KLF12: variants seen among roughly 807,000 people sequenced by gnomAD.
The protein encoded by KLF12 is Krueppel-like factor 12.
A neutral mutation model predicts 37.8 loss-of-function variants in KLF12; 9 were observed. The ratio of observed to expected loss-of-function variants is 0.24; its 90% CI spans 0.14 to 0.42. The LOEUF (loss-of-function observed/expected upper bound fraction) is 0.42, where lower values mean the gene tolerates loss of function less well. Among genes scored for constraint, KLF12 ranks in the 10% least tolerant of loss-of-function variants. The pLI, the probability that KLF12 is intolerant of heterozygous loss-of-function variation, is 1.00. For missense variants in KLF12, 411 were observed against 516.0 expected (o/e 0.80, Z 1.97); for synonymous variants, 208 against 202.1 (o/e 1.03, Z -0.25).
At chr13:73,895,979 C>T (rs983222139) in intron 3 of KLF12, among the ~76,000 whole-genome samples, 3 of 152,046 alleles carry the variant, frequency 2.0e-5, no homozygotes, top group Non-Finnish European at 2.9e-5. Context: ...TGCCACCACG[C>T]CTGACTAATT....
intron 1 of KLF12, among the ~76,000 whole-genome samples, chr13:74,118,804 T>C (rs181771049): frequency 5.3e-5 from 8 of 152,136 alleles, no homozygotes; most frequent in South Asian, 4.2e-4. Context: ...CACATGCTCA[T>C]GTGCACACAC....
At chr13:74,191,125 G>A in the KLF12 span, among the ~76,000 whole-genome samples, 2 of 152,180 alleles carry the variant, frequency 1.3e-5, no homozygotes, top group African/African-American at 2.4e-5. Flanking sequence ...ATAAATGTCT[G>A]CTTCATTATA....
At chr13:73,826,851 G>A (rs951241655) in intron 4 of KLF12, among the ~76,000 whole-genome samples, 9 of 151,862 alleles carry the variant, frequency 5.9e-5, no homozygotes, top group Admixed American at 5.3e-4. Flanking sequence ...GCATGATCTC[G>A]GCTCACTGTA....
intron 5 of KLF12, among the ~76,000 whole-genome samples, chr13:73,792,282 G>A (rs894880084): frequency 3.3e-5 from 5 of 152,206 alleles, no homozygotes; most frequent in Non-Finnish European, 5.9e-5. Context: ...GTATAAAAAG[G>A]TCAATATTGA....
chr13:73,845,821 T>C lies in KLF12; in HGVS notation c.670+6A>G. The C allele has an allele frequency of 6.2e-7, 1 of 1,611,056 alleles. No individual in the cohort carries two copies. On this transcript the variant is annotated splice_donor_region_variant and intron_variant, in intron 4 of 7. Coordinates refer to ENST00000377669, the MANE Select transcript of KLF12 (RefSeq NM_007249.5). ...AAATAAATCAAGGCTTGTTTATGTCTCTTACCTTTGCCATGGCCTCTCCCA... is the reference window on the plus strand; with the variant it reads ...AAATAAATCAAGGCTTGTTTATGTCCCTTACCTTTGCCATGGCCTCTCCCA...
At chr13:73,885,289 A>T (rs1288629274) in intron 3 of KLF12, among the ~76,000 whole-genome samples, 1 of 152,210 alleles carries the variant, frequency 6.6e-6, no homozygotes, top group Non-Finnish European at 1.5e-5. Flanking sequence ...TAGTAATTCA[A>T]GACAAAACTA....
chr13:73,998,736 A>C (rs1892189013), intron 1 of KLF12, among the ~76,000 whole-genome samples: 1 of 152,238 alleles, frequency 6.6e-6, no homozygotes, highest in Non-Finnish European at 1.5e-5. Context: ...TTTCTACCAC[A>C]TAAGTTGCTT....
chr13:73,995,844 T>C (rs1403496032), intron 1 of KLF12, among the ~76,000 whole-genome samples: 1 of 152,202 alleles, frequency 6.6e-6, no homozygotes, highest in African/African-American at 2.4e-5. Flanking sequence ...TGCTTCAGAA[T>C]TTCCATTTCA....
chr13:73,853,076 C>T (rs1885419491), intron 3 of KLF12, among the ~76,000 whole-genome samples: 1 of 151,910 alleles, frequency 6.6e-6, no homozygotes, highest in Admixed American at 6.6e-5. Flanking sequence ...ACCGTGTTAG[C>T]CAGGATGGTC....
At chr13:74,288,647 A>C in the KLF12 span, among the ~76,000 whole-genome samples, 1 of 152,188 alleles carries the variant, frequency 6.6e-6, no homozygotes, top group Admixed American at 6.5e-5. Flanking sequence ...GAGTCAAGAA[A>C]TGGAAGCCTC....
intron 3 of KLF12, among the ~76,000 whole-genome samples, chr13:73,912,189 T>C (rs964025662): frequency 2.0e-5 from 3 of 152,186 alleles, no homozygotes; most frequent in South Asian, 2.1e-4. Flanking sequence ...TCTTCTTCAA[T>C]AGGCCATTAA....
the KLF12 span, among the ~76,000 whole-genome samples, chr13:74,235,812 A>C: frequency 5.3e-5 from 8 of 152,276 alleles, no homozygotes; most frequent in African/African-American, 1.7e-4. Context: ...ATTAAAATTC[A>C]TAATAACATA....
the KLF12 span, among the ~76,000 whole-genome samples, chr13:74,300,671 T>C: frequency 6.6e-6 from 1 of 152,234 alleles, no homozygotes; most frequent in African/African-American, 2.4e-5. Flanking sequence ...TAGCTTTTTA[T>C]ATAAAATTCA....
chr13:74,296,893 C>T, the KLF12 span, among the ~76,000 whole-genome samples: 1 of 152,102 alleles, frequency 6.6e-6, no homozygotes, highest in East Asian at 1.9e-4. Context: ...TCTACAAGAG[C>T]CTACAGATCT....
At chr13:74,052,663 A>G (rs1196153809) in intron 1 of KLF12, among the ~76,000 whole-genome samples, 1 of 152,144 alleles carries the variant, frequency 6.6e-6, no homozygotes, top group African/African-American at 2.4e-5. Context: ...TTTAAAGTCA[A>G]TGTGCCAGAG....
intron 3 of KLF12, among the ~76,000 whole-genome samples, chr13:73,938,371 T>A (rs190634722): frequency 6.6e-6 from 1 of 152,302 alleles, no homozygotes; most frequent in African/African-American, 2.4e-5. Context: ...AAACATTCCA[T>A]AGCACATTTC....
At chr13:73,999,608 C>T (rs1197509461) in intron 1 of KLF12, among the ~76,000 whole-genome samples, 2 of 150,834 alleles carry the variant, frequency 1.3e-5, no homozygotes, top group African/African-American at 2.4e-5. Context: ...GGCGTGGTGG[C>T]GGGCGCCTGT....
At chr13:73,830,017 T>C (rs796195297) in intron 4 of KLF12, among the ~76,000 whole-genome samples, 27 of 152,356 alleles carry the variant, frequency 1.8e-4, no homozygotes, top group African/African-American at 6.3e-4. Context: ...GGACTTATCA[T>C]GGTGACTATT....
At chr13:73,882,648 A>G (rs2138961257) in intron 3 of KLF12, among the ~76,000 whole-genome samples, 1 of 152,340 alleles carries the variant, frequency 6.6e-6, no homozygotes, top group South Asian at 2.1e-4. Flanking sequence ...ATCATATGCC[A>G]CGATTAAACG....
Sources: gnomAD v4.1 joint callset for allele counts (sites outside exome capture counted in the v4.1 genomes callset) on GRCh38, gnomAD v4.1.1 for gene constraint, MANE v1.5 for transcripts, NCBI Gene and HGNC (gene_info 2026-07-23, HGNC 2026-07-21) for gene names.